Variants in MAGI1 observed in about 807,000 individuals in gnomAD.
MAGI1 encodes membrane associated guanylate kinase, WW and PDZ domain containing 1, also known as membrane-associated guanylate kinase, WW and PDZ domain-containing protein 1.
MAGI1 carries 58 observed loss-of-function variants against 139.9 expected under a neutral mutation model. The ratio of observed to expected loss-of-function variants is 0.41; its 90% CI spans 0.34 to 0.52. The LOEUF (loss-of-function observed/expected upper bound fraction) is 0.52. MAGI1 is among the 20% of genes least tolerant of loss of function. MAGI1 has a pLI of 0.12. For synonymous variants in MAGI1, 812 were observed against 737.9 expected, an observed-to-expected ratio of 1.10 and a Z score of -1.63; for missense variants, 1,874 against 1,901.6, an observed-to-expected ratio of 0.99 and a Z score of 0.27.
chr3:65,681,257 C>T (rs1412838008), intron 1 of MAGI1, among the ~76,000 whole-genome samples: 2 of 152,242 alleles, frequency 1.3e-5, no homozygotes, highest in African/African-American at 4.8e-5. Context: ...TTTATTCCCT[C>T]TCTCTTCCAA....
intron 4 of MAGI1, among the ~76,000 whole-genome samples, chr3:65,474,984 G>T (rs1950796226): frequency 6.6e-6 from 1 of 151,966 alleles, no homozygotes; most frequent in Non-Finnish European, 1.5e-5. Flanking sequence ...CCATACTTGA[G>T]AAACATTAGC....
At position 65,700,216 on chromosome 3, in the gene MAGI1, G is replaced by T. The variant is rs750665111; in HGVS notation, c.314-78128C>A. Among the ~76,000 whole-genome samples, 108 of 152,088 alleles carry T rather than the reference G, an allele frequency of 7.1e-4. 1 individual carries two copies. Among genetic ancestry groups the T allele is most frequent in the Middle Eastern group, 6.3e-3 (2 of 316 alleles). ...TCCAGCATTTTGGGAGGCCGAGGCG[G>T]GCAGATCACGAGGTCAGGAGTTCAA... On this transcript the variant is annotated intron_variant, in intron 1 of 22. Transcript: ENST00000402939.
Position 65,923,701 on chromosome 3 carries a change from T to C in MAGI1, c.313+114295A>G, listed in dbSNP as rs377113600. ...TGAGATGAGAGTTAACAAGGAGACA[T>C]TAAGGCTGCTATGGGAGATAAGAGA... On this transcript the variant is annotated intron_variant, in intron 1 of 22. Coordinates refer to ENST00000402939, the MANE Select transcript of MAGI1 (RefSeq NM_001033057.2). Among the ~76,000 whole-genome samples the C allele has an allele frequency of 1.2e-4, 18 of 152,252 alleles. No individual in the cohort carries two copies. In the East Asian group the frequency reaches 2.9e-3, roughly 25 times the overall value.
At chr3:65,963,557 A>G (rs2064574187) in intron 1 of MAGI1, among the ~76,000 whole-genome samples, 1 of 152,196 alleles carries the variant, frequency 6.6e-6, no homozygotes, top group African/African-American at 2.4e-5. Flanking sequence ...CGGAGGTTGT[A>G]GTGAGCCAAG....
At chr3:65,925,453 C>G (rs1485668272) in intron 1 of MAGI1, among the ~76,000 whole-genome samples, 1 of 152,110 alleles carries the variant, frequency 6.6e-6, no homozygotes, top group African/African-American at 2.4e-5. Context: ...GCAAACAACC[C>G]AAGGCCAGTG....
In MAGI1 at chr3:65,439,923, T is replaced by C; in HGVS notation, c.1226A>G (p.Gln409Arg). The C allele has an allele frequency of 6.2e-7, 1 of 1,610,960 alleles. No homozygotes were observed. The highest frequency in any genetic ancestry group is 8.5e-7 in the Non-Finnish European group (1 of 1,177,794). ...CTGCTGCTGCTGCTGCTGTTGCTGCTGCTGTTGCTGCTGCTGCTGCTGCTC... is the reference window on the plus strand; with the variant it reads ...CTGCTGCTGCTGCTGCTGTTGCTGCCGCTGTTGCTGCTGCTGCTGCTGCTC... ...QLEQQQQQQQ[Q>R]QQQQQQQQQQ... The change falls in exon 9 of 23, where the codon CAG (glutamine) becomes CGG (arginine). Residue 409 changes from glutamine (Q) to arginine (R), a missense_variant. Physicochemically the swap from Gln to Arg is conservative, Grantham distance 43. Around this residue, in one of 5 missense-constraint regions of MAGI1, gnomAD observed 648 missense variants for 598.1 expected, o/e 1.08. Transcript: ENST00000402939.
At chr3:65,561,376 G>A (rs72902231) in intron 2 of MAGI1, among the ~76,000 whole-genome samples, 3 of 152,040 alleles carry the variant, frequency 2.0e-5, no homozygotes, top group African/African-American at 7.2e-5. Flanking sequence ...ACTCTAACAG[G>A]ACTAAGGAGG....
At chr3:65,844,862 C>T (rs1304410726) in intron 1 of MAGI1, among the ~76,000 whole-genome samples, 3 of 152,262 alleles carry the variant, frequency 2.0e-5, no homozygotes, top group African/African-American at 7.2e-5. Flanking sequence ...TCCCTAACTC[C>T]ACTCTTAAAG....
chr3:65,399,034 C>T (rs1167778702), intron 13 of MAGI1, among the ~76,000 whole-genome samples: 1 of 152,024 alleles, frequency 6.6e-6, no homozygotes, highest in Non-Finnish European at 1.5e-5. Flanking sequence ...CAAAAGGAAG[C>T]TGCCAATCAC....
chr3:65,478,460 T>A, intron 4 of MAGI1, 132 bp downstream of exon 4: 1 of 777,264 alleles, frequency 1.3e-6, no homozygotes. Context: ...AAGCACTGTG[T>A]GGTCCAAGTT....
rs914833722 is a variant in MAGI1, at chr3:65,624,224, A to C, written c.314-2136T>G. On this transcript the variant is annotated intron_variant, in intron 1 of 22. Transcript: ENST00000402939. ...GAAAACAATTTGTCAATATCTTAGA[A>C]AGTCATACCTTCAATAGCCAAGTGA... 4.6e-5 allele frequency among the ~76,000 whole-genome samples: 7 copies of C among 152,260 alleles called. No homozygotes were observed. The East Asian group carries it at 7.7e-4, about 17-fold the overall frequency.
intron 1 of MAGI1, among the ~76,000 whole-genome samples, chr3:65,679,115 T>C (rs1227233344): frequency 6.6e-6 from 1 of 152,146 alleles, no homozygotes; most frequent in Non-Finnish European, 1.5e-5. Context: ...GTGTGTCAAT[T>C]CTGCAGTGAA....
chr3:65,807,770 A>T (rs996806155), intron 1 of MAGI1, among the ~76,000 whole-genome samples: 1 of 152,176 alleles, frequency 6.6e-6, no homozygotes, highest in Non-Finnish European at 1.5e-5. Context: ...CCTATTAATA[A>T]CATGTGCTTT....
chr3:65,755,486 T>A (rs567919776), intron 1 of MAGI1, among the ~76,000 whole-genome samples: 1 of 151,896 alleles, frequency 6.6e-6, no homozygotes, highest in East Asian at 2.0e-4. Context: ...TTGTATAGAG[T>A]ACTTCGGGGG....
intron 2 of MAGI1, among the ~76,000 whole-genome samples, chr3:65,596,074 C>A (rs1269947975): frequency 1.3e-5 from 2 of 152,198 alleles, no homozygotes; most frequent in African/African-American, 4.8e-5. Flanking sequence ...CAAGTTAAAT[C>A]ACGAAAAGAA....
At chr3:65,938,236 G>A (rs1334088726) in intron 1 of MAGI1, among the ~76,000 whole-genome samples, 1 of 149,340 alleles carries the variant, frequency 6.7e-6, no homozygotes, top group Non-Finnish European at 1.5e-5. Context: ...TGTTACTTGG[G>A]GAAACAATTT....
chr3:65,870,546 G>A (rs919758188), intron 1 of MAGI1, among the ~76,000 whole-genome samples: 1 of 151,352 alleles, frequency 6.6e-6, no homozygotes, highest in African/African-American at 2.4e-5. Context: ...AGACAGGGAG[G>A]CAGAAAGGAA....
chr3:65,861,893 C>A (rs1440279774), intron 1 of MAGI1, among the ~76,000 whole-genome samples: 2 of 152,202 alleles, frequency 1.3e-5, no homozygotes, highest in Non-Finnish European at 2.9e-5. Flanking sequence ...CAGGCATGTG[C>A]AGTCCACAGT....
intron 1 of MAGI1, among the ~76,000 whole-genome samples, chr3:65,824,536 C>G (rs1221398765): frequency 1.3e-5 from 2 of 152,136 alleles, no homozygotes; most frequent in African/African-American, 2.4e-5. Context: ...CATATACAAG[C>G]CAACTAAGTT....
Sources: allele counts gnomAD v4.1 joint callset (sites outside exome capture counted in the v4.1 genomes callset), GRCh38; gene constraint gnomAD v4.1.1; regional missense constraint gnomAD v4.1.1; transcripts MANE v1.5; gene names NCBI Gene and HGNC (gene_info 2026-07-23, HGNC 2026-07-21).